Variants in ELOVL2 observed in about 807,000 individuals in gnomAD.
ELOVL2 encodes very long chain fatty acid elongase 2.
A neutral mutation model predicts 37.7 loss-of-function variants in ELOVL2; 38 were observed. The observed-to-expected ratio is 1.01, with a 90% CI of 0.78 to 1.32. The LOEUF is 1.32. Among genes scored for constraint, ELOVL2 ranks in the 40% most tolerant of loss-of-function variants. The pLI, the probability that ELOVL2 is intolerant of heterozygous loss-of-function variation, is 0.00. For synonymous variants in ELOVL2, 115 were observed against 122.3 expected (o/e 0.94, Z 0.40); for missense variants, 352 against 363.6 (o/e 0.97, Z 0.26).
chr6:11,034,141 T>C (rs554073742), intron 1 of ELOVL2, among the ~76,000 whole-genome samples: 2 of 152,326 alleles, frequency 1.3e-5, no homozygotes, highest in South Asian at 2.1e-4. Context: ...AAGTGACATA[T>C]TAGTTCAGCC....
At chr6:11,019,133 C>A (rs1782728108) in intron 1 of ELOVL2, among the ~76,000 whole-genome samples, 1 of 152,120 alleles carries the variant, frequency 6.6e-6, no homozygotes, top group Non-Finnish European at 1.5e-5. Flanking sequence ...CAAACATCAC[C>A]AGGTTATTTT....
At chr6:10,991,844 G>A (rs1357626489) in intron 5 of ELOVL2, among the ~76,000 whole-genome samples, 1 of 152,106 alleles carries the variant, frequency 6.6e-6, no homozygotes, top group Non-Finnish European at 1.5e-5. Context: ...TTTGACTCCT[G>A]TGGAAATACA....
intron 1 of ELOVL2, among the ~76,000 whole-genome samples, chr6:11,021,402 A>G (rs184814376): frequency 5.1e-4 from 78 of 152,290 alleles, no homozygotes; most frequent in Non-Finnish European, 9.7e-4. Flanking sequence ...CACACCAGGA[A>G]TGGGGCTAGA....
intron 5 of ELOVL2, 113 bp from the exon 6 acceptor site, chr6:10,990,555 C>T (rs957844135): frequency 1.9e-5 from 19 of 997,842 alleles, no homozygotes; most frequent in Admixed American, 3.3e-5. Context: ...GCACATATGA[C>T]ATGATCATAT....
intron 1 of ELOVL2, among the ~76,000 whole-genome samples, chr6:11,028,978 T>C (rs1244351257): frequency 6.7e-6 from 1 of 148,946 alleles, no homozygotes; most frequent in African/African-American, 2.5e-5. Flanking sequence ...CTGAGTATGG[T>C]TCAGGGTGGG....
intron 1 of ELOVL2, among the ~76,000 whole-genome samples, chr6:11,014,136 C>G (rs907692932): frequency 6.6e-6 from 1 of 152,196 alleles, no homozygotes; most frequent in Non-Finnish European, 1.5e-5. Context: ...CCCCTGATTA[C>G]TTACCACAGT....
intron 5 of ELOVL2, among the ~76,000 whole-genome samples, chr6:10,992,682 G>A (rs1475298974): frequency 5.1e-5 from 5 of 97,746 alleles, no homozygotes; most frequent in East Asian, 3.0e-4. Context: ...CCAGCTACTC[G>A]GGAGGCTGAG....
intron 4 of ELOVL2, among the ~76,000 whole-genome samples, chr6:10,996,092 T>C (rs577023577): frequency 2.0e-5 from 3 of 151,430 alleles, no homozygotes; most frequent in Non-Finnish European, 4.4e-5. Context: ...GACATTTCTT[T>C]AGTTAAAGGC....
At chr6:11,000,441 A>G (rs1368172550) in intron 3 of ELOVL2, among the ~76,000 whole-genome samples, 3 of 152,232 alleles carry the variant, frequency 2.0e-5, no homozygotes, top group Non-Finnish European at 4.4e-5. Flanking sequence ...GATTCACAAA[A>G]TTTTATGTAA....
At chr6:11,005,651 G>T in intron 2 of ELOVL2, 92 bp from the exon 3 acceptor site, 1 of 1,070,632 alleles carries the variant, frequency 9.3e-7, no homozygotes, top group Non-Finnish European at 1.4e-6. Context: ...GTACACACCA[G>T]CACAACAGGG....
intron 3 of ELOVL2, among the ~76,000 whole-genome samples, chr6:11,000,640 AT>A (rs1054411706): frequency 6.6e-6 from 1 of 152,162 alleles, no homozygotes; most frequent in Non-Finnish European, 1.5e-5. Context: ...TTCTTAAACC[AT>A]TTTCTTCACT....
At chr6:10,987,945 G>T (rs1231074902) in intron 7 of ELOVL2, among the ~76,000 whole-genome samples, 2 of 150,832 alleles carry the variant, frequency 1.3e-5, no homozygotes, top group Non-Finnish European at 2.9e-5. Flanking sequence ...TTATATGCTT[G>T]ACTTCAGAAC....
chr6:10,982,889 A>G lies in ELOVL2; in HGVS notation c.*892T>C, dbSNP rs1781965849. 1.3e-5 allele frequency: 2 copies of G among 152,240 alleles called. No individual in the cohort carries two copies. The highest frequency in any genetic ancestry group is 1.3e-4 in the Admixed American group (2 of 15,274). 9.4% of individuals were successfully genotyped at this position (152,240 alleles called of 1,614,324 possible). On this transcript the variant is annotated 3_prime_UTR_variant, in exon 8 of 8. Transcript: ENST00000354666. ...CTGCTACTTCTGCTAGTTCTGATTT[A>G]TACATATTCCAGCAGCATGCATGTT...
At chr6:10,987,186 G>A (rs1310934962) in intron 7 of ELOVL2, among the ~76,000 whole-genome samples, 24 of 152,038 alleles carry the variant, frequency 1.6e-4, no homozygotes, top group Admixed American at 7.9e-4. Context: ...CTGTGGGATC[G>A]GTGGTGATAT....
chr6:11,026,787 T>G (rs1436979692), intron 1 of ELOVL2, among the ~76,000 whole-genome samples: 1 of 152,258 alleles, frequency 6.6e-6, no homozygotes, highest in East Asian at 1.9e-4. Context: ...ATAGCTTGAT[T>G]TCTTCATATC....
intron 1 of ELOVL2, among the ~76,000 whole-genome samples, chr6:11,023,630 A>G (rs1325628560): frequency 1.3e-5 from 2 of 152,182 alleles, no homozygotes; most frequent in African/African-American, 2.4e-5. Flanking sequence ...AAACCAACCA[A>G]TATGGGGATT....
At chr6:11,017,254 C>T (rs1782698148) in intron 1 of ELOVL2, among the ~76,000 whole-genome samples, 1 of 152,122 alleles carries the variant, frequency 6.6e-6, no homozygotes, top group Non-Finnish European at 1.5e-5. Context: ...GTCACAATAA[C>T]CTTGCAAGTT....
At chr6:11,021,186 T>C (rs1448021989) in intron 1 of ELOVL2, among the ~76,000 whole-genome samples, 1 of 152,232 alleles carries the variant, frequency 6.6e-6, no homozygotes, top group African/African-American at 2.4e-5. Context: ...ATCTAATTAC[T>C]TGGAGTTCCT....
chr6:10,989,676 A>C (rs749350654), intron 7 of ELOVL2, 27 bp downstream of exon 7: 2 of 1,604,424 alleles, frequency 1.2e-6, no homozygotes, highest in South Asian at 2.2e-5. Flanking sequence ...ATTACATTTT[A>C]CTGCTGAATA....
Sources: allele counts gnomAD v4.1 joint callset (sites outside exome capture counted in the v4.1 genomes callset), GRCh38; gene constraint gnomAD v4.1.1; transcripts MANE v1.5; gene names NCBI Gene and HGNC (gene_info 2026-07-23, HGNC 2026-07-21).